The following GMDS variants were observed in gnomAD, a reference collection of about 807,000 sequenced individuals.
GMDS encodes the protein GDP-mannose 4,6-dehydratase, also known as GDP-mannose 4,6 dehydratase.
GMDS carries 20 observed loss-of-function variants against 49.9 expected under a neutral mutation model. That is an observed-to-expected ratio of 0.40 (90% CI 0.28 to 0.58). The LOEUF is 0.58. GMDS is among the 20% of genes least tolerant of loss of function. The pLI is 0.42. For synonymous variants in GMDS, 177 were observed against 178.6 expected (o/e 0.99, Z 0.07); for missense variants, 362 against 481.4 (o/e 0.75, Z 2.32).
rs186724496 is a variant in GMDS, at chr6:1,779,794, C to T, written c.772-37208G>A. 5.8e-3 allele frequency among the ~76,000 whole-genome samples: 890 copies of T among 152,296 alleles called. 8 individuals carry two copies. The highest frequency in any genetic ancestry group is 0.017 in the Middle Eastern group (5 of 294). ...TCTTTAACTCATTGAAGGCCACAGA[C>T]GTAACTGAGCGAAGTGTCTGTGTTT... On this transcript the variant is annotated intron_variant, in intron 7 of 10. Transcript: ENST00000380815.
At chr6:2,059,707 C>CAAAAAAAAAAAAAAAAAAAAAAAAA (rs35230658) in intron 4 of GMDS, among the ~76,000 whole-genome samples, 3 of 17,768 alleles carry the variant, frequency 1.7e-4, no homozygotes, top group Non-Finnish European at 2.0e-4. Flanking sequence ...GACTCCGTCT[C>CAAAAAAAAAAAAAAAAAAAAAAAAA]AAAAAAAAAA....
At chr6:2,028,979 G>T (rs57777283) in intron 4 of GMDS, among the ~76,000 whole-genome samples, 3,996 of 151,406 alleles carry the variant, frequency 0.026, 99 homozygotes, top group South Asian at 0.12. Flanking sequence ...GCTCTGCTGG[G>T]TGATTTTTTT....
At chr6:1,992,631 G>GT (rs1766023879) in intron 4 of GMDS, among the ~76,000 whole-genome samples, 1 of 146,792 alleles carries the variant, frequency 6.8e-6, no homozygotes. Context: ...TGTGACCCAT[G>GT]CCCACACTGC....
intron 9 of GMDS, among the ~76,000 whole-genome samples, chr6:1,720,030 TA>T (rs958594008): frequency 2.6e-5 from 4 of 152,144 alleles, no homozygotes; most frequent in Admixed American, 2.0e-4. Context: ...CAGAAGGACT[TA>T]AGGATAAATC....
At chr6:2,158,342 G>C (rs1430783530) in intron 1 of GMDS, among the ~76,000 whole-genome samples, 1 of 152,238 alleles carries the variant, frequency 6.6e-6, no homozygotes, top group Middle Eastern at 3.4e-3. Context: ...CTCTGGGAGG[G>C]ATTCCTTAAT....
chr6:2,103,073 A>T (rs958193089), intron 4 of GMDS, among the ~76,000 whole-genome samples: 2 of 152,218 alleles, frequency 1.3e-5, no homozygotes, highest in African/African-American at 4.8e-5. Context: ...TTAATAAGTA[A>T]CAAGCAACAG....
At chr6:1,755,959 C>G (rs1236584150) in intron 7 of GMDS, among the ~76,000 whole-genome samples, 1 of 152,198 alleles carries the variant, frequency 6.6e-6, no homozygotes, top group Admixed American at 6.5e-5. Context: ...AAACTATCAT[C>G]AGAGTAAACA....
At chr6:1,883,131 G>A (rs116675249) in intron 7 of GMDS, among the ~76,000 whole-genome samples, 7,004 of 152,190 alleles carry the variant, frequency 0.046, 223 homozygotes, top group Middle Eastern at 0.1. Context: ...GGCCGGGTGC[G>A]GTGGCAATCC....
chr6:1,719,720 C>T (rs925240844), intron 9 of GMDS, among the ~76,000 whole-genome samples: 4 of 151,922 alleles, frequency 2.6e-5, no homozygotes, highest in South Asian at 4.2e-4. Flanking sequence ...ACACCAGGGA[C>T]GAATGGATCT....
chr6:1,844,272 A>T (rs145623008), intron 7 of GMDS, among the ~76,000 whole-genome samples: 1 of 152,332 alleles, frequency 6.6e-6, no homozygotes, highest in African/African-American at 2.4e-5. Context: ...AATGAAGCTT[A>T]AAAAAATCTA....
intron 1 of GMDS, among the ~76,000 whole-genome samples, chr6:2,183,340 G>T (rs903968002): frequency 2.0e-5 from 3 of 152,162 alleles, no homozygotes; most frequent in African/African-American, 7.2e-5. Flanking sequence ...CATAAGTTTG[G>T]AAGAAGTTGA....
chr6:2,195,130 T>A (rs980609701), intron 1 of GMDS, among the ~76,000 whole-genome samples: 1 of 152,356 alleles, frequency 6.6e-6, no homozygotes, highest in South Asian at 2.1e-4. Context: ...AAAGCTTGCA[T>A]CTTTTCTCCA....
chr6:2,106,397 G>A (rs1774243241), intron 4 of GMDS, among the ~76,000 whole-genome samples: 1 of 152,114 alleles, frequency 6.6e-6, no homozygotes, highest in Non-Finnish European at 1.5e-5. Context: ...TAAGGATAAA[G>A]TAGAAATCAT....
rs145031926 is a variant in GMDS at position 2,140,074 on chromosome 6, A to G, written c.103-15343T>C. ...AATGGCCCCCAAAAGACACAGCCAC[A>G]TCCTCACCACTGAAATCTGTGACTG... On this transcript the variant is annotated intron_variant, in intron 1 of 10. Coordinates refer to ENST00000380815, the MANE Select transcript of GMDS (RefSeq NM_001500.4). 5.7e-3 allele frequency among the ~76,000 whole-genome samples: 865 copies of G among 152,320 alleles called. 2 individuals are homozygous for G. Among genetic ancestry groups the G allele is most frequent in the Middle Eastern group, 0.017 (5 of 294 alleles).
intron 4 of GMDS, among the ~76,000 whole-genome samples, chr6:2,086,370 A>G (rs974465294): frequency 6.6e-6 from 1 of 152,230 alleles, no homozygotes; most frequent in African/African-American, 2.4e-5. Flanking sequence ...GATCTTACAC[A>G]ATAGAAAATT....
rs749127250 is a variant in GMDS, at chr6:1,737,890, CCCACACACATACACACCACACA to C, written c.890+4556_890+4577del. Among the ~76,000 whole-genome samples the C allele has an allele frequency of 9.9e-3, 1,395 of 140,952 alleles. 7 individuals are homozygous for C. The highest frequency in any genetic ancestry group is 0.041 in the Middle Eastern group (9 of 220). The allele number at this position is 140,952 out of a possible 152,430, so 92.5% of individuals were successfully genotyped here. ...ATACACACATACATACACACGCAACCCCACACACATACACACCACACACCACACACAGATACATACACACCAC... is the reference window on the plus strand; with the variant it reads ...ATACACACATACATACACACGCAACCCCACACACAGATACATACACACCAC... On this transcript the variant is annotated intron_variant, in intron 8 of 10. Coordinates refer to ENST00000380815, the MANE Select transcript of GMDS (RefSeq NM_001500.4).
rs115581577 is a variant in GMDS, at chr6:1,983,610, A to G, written c.346-22644T>C. Among the ~76,000 whole-genome samples, 1,097 of 152,348 alleles carry G rather than the reference A, an allele frequency of 7.2e-3. 3 individuals carry two copies. Among genetic ancestry groups the G allele is most frequent in the Middle Eastern group, 0.014 (4 of 294 alleles). On this transcript the variant is annotated intron_variant, in intron 4 of 10. Coordinates refer to ENST00000380815, the MANE Select transcript of GMDS (RefSeq NM_001500.4). ...GAAGACACACATGTGGCCAACAAGC[A>G]TTTGAAAAAAAAGCTCAACATCACT...
At chr6:2,098,543 T>C (rs942385599) in intron 4 of GMDS, among the ~76,000 whole-genome samples, 2 of 152,156 alleles carry the variant, frequency 1.3e-5, no homozygotes, top group African/African-American at 2.4e-5. Flanking sequence ...TCATAAAAGG[T>C]AGAAAAAGTC....
chr6:2,020,622 T>C (rs1432122923), intron 4 of GMDS, among the ~76,000 whole-genome samples: 3 of 152,100 alleles, frequency 2.0e-5, no homozygotes, highest in Admixed American at 6.5e-5. Context: ...GCATATTTTT[T>C]TTAAAAAATC....
Sources: gnomAD v4.1 joint callset for allele counts (sites outside exome capture counted in the v4.1 genomes callset) on GRCh38, gnomAD v4.1.1 for gene constraint, MANE v1.5 for transcripts, NCBI Gene and HGNC (gene_info 2026-07-23, HGNC 2026-07-21) for gene names.